UNC13C: variants seen among roughly 807,000 people sequenced by gnomAD.
UNC13C encodes unc-13 homolog C, also known as protein unc-13 homolog C.
A neutral mutation model predicts 245.4 loss-of-function variants in UNC13C; 174 were observed. The ratio of observed to expected loss-of-function variants is 0.71; its 90% CI spans 0.63 to 0.80. The LOEUF is 0.80. UNC13C is among the 30% of genes least tolerant of loss of function. The pLI is 0.00. For synonymous variants in UNC13C, 992 were observed against 895.1 expected, an observed-to-expected ratio of 1.11 and a Z score of -1.93; for missense variants, 2,829 against 2,602.9, an observed-to-expected ratio of 1.09 and a Z score of -1.89.
At chr15:54,309,244 C>A (rs2037806653) in intron 13 of UNC13C, among the ~76,000 whole-genome samples, 1 of 151,702 alleles carries the variant, frequency 6.6e-6, no homozygotes, top group Non-Finnish European at 1.5e-5. Flanking sequence ...ATTTGCATTT[C>A]TCTGATGATT....
At chr15:54,307,157 A>G (rs1398257122) in intron 13 of UNC13C, among the ~76,000 whole-genome samples, 1 of 151,668 alleles carries the variant, frequency 6.6e-6, no homozygotes, top group African/African-American at 2.4e-5. Context: ...GCTATAAAAA[A>G]TACCATCAAT....
the UNC13C span, among the ~76,000 whole-genome samples, chr15:53,957,901 C>T: frequency 0.43 from 65,707 of 152,006 alleles, 14,420 homozygotes; most frequent in East Asian, 0.61. Context: ...GAGGCATCAG[C>T]AAACATCTTT....
At chr15:54,012,178 G>C (rs148909758) in intron 1 of UNC13C, among the ~76,000 whole-genome samples, 1 of 152,064 alleles carries the variant, frequency 6.6e-6, no homozygotes, top group Admixed American at 6.5e-5. Flanking sequence ...AAGATTATTT[G>C]AATGAATCAA....
chr15:54,197,546 AT>A (rs1348161966), intron 4 of UNC13C, among the ~76,000 whole-genome samples: 1 of 152,162 alleles, frequency 6.6e-6, no homozygotes, highest in Non-Finnish European at 1.5e-5. Flanking sequence ...GCATGATTAC[AT>A]TTTAAGCACA....
intron 2 of UNC13C, among the ~76,000 whole-genome samples, chr15:54,122,140 T>C (rs1275057785): frequency 6.6e-6 from 1 of 151,984 alleles, no homozygotes; most frequent in East Asian, 1.9e-4. Context: ...TTTTTTTTCT[T>C]ATTTCATTAG....
intron 17 of UNC13C, among the ~76,000 whole-genome samples, chr15:54,350,415 A>G (rs2038956731): frequency 6.6e-6 from 1 of 152,220 alleles, no homozygotes; most frequent in South Asian, 2.1e-4. Flanking sequence ...AAATTGTAGA[A>G]TGGTAATTAG....
intron 1 of UNC13C, among the ~76,000 whole-genome samples, chr15:53,990,091 G>A (rs1894316966): frequency 6.6e-6 from 1 of 152,004 alleles, no homozygotes; most frequent in South Asian, 2.1e-4. Flanking sequence ...ATAACCAGGA[G>A]TTTCTCTGCT....
the UNC13C span, among the ~76,000 whole-genome samples, chr15:53,893,395 T>C: frequency 6.6e-6 from 1 of 152,142 alleles, no homozygotes; most frequent in African/African-American, 2.4e-5. Flanking sequence ...CTGGGAGGTT[T>C]GCTGCTCTCT....
At chr15:54,379,061 A>G (rs1016992288) in intron 17 of UNC13C, among the ~76,000 whole-genome samples, 1 of 152,102 alleles carries the variant, frequency 6.6e-6, no homozygotes, top group African/African-American at 2.4e-5. Context: ...GTTTCTAACC[A>G]AATTAATGTA....
intron 30 of UNC13C, among the ~76,000 whole-genome samples, chr15:54,602,343 G>A (rs557616270): frequency 3.3e-4 from 50 of 152,202 alleles, no homozygotes; most frequent in African/African-American, 1.2e-3. Flanking sequence ...GCTGACAGTG[G>A]GACAGAGTGA....
rs182741466 is a variant in UNC13C, at chr15:54,340,499, C to T, written c.4713+2010C>T. 4.6e-5 allele frequency among the ~76,000 whole-genome samples: 7 copies of T among 152,238 alleles called. No homozygotes were observed. In the East Asian group the frequency reaches 9.7e-4, roughly 21 times the overall value. On this transcript the variant is annotated intron_variant, in intron 17 of 32. Transcript: ENST00000260323. ...ATGAAGATCCAGTTTCATTTTCCTA[C>T]ATGTGGCTTGCCAATTATCCCAGCA...
At chr15:54,610,929 A>G (rs1255219577) in intron 30 of UNC13C, among the ~76,000 whole-genome samples, 1 of 152,258 alleles carries the variant, frequency 6.6e-6, no homozygotes, top group Non-Finnish European at 1.5e-5. Context: ...AATAGTAGTA[A>G]GTATTAAAAA....
At chr15:54,397,206 G>T (rs1040035822) in intron 18 of UNC13C, among the ~76,000 whole-genome samples, 2 of 151,490 alleles carry the variant, frequency 1.3e-5, no homozygotes, top group Non-Finnish European at 3.0e-5. Context: ...GTTAACTGGT[G>T]TGATAATCAA....
chr15:54,429,049 G>A (rs1002441403), intron 19 of UNC13C, among the ~76,000 whole-genome samples: 1 of 151,596 alleles, frequency 6.6e-6, no homozygotes, highest in Non-Finnish European at 1.5e-5. Context: ...GCTTTTAAAG[G>A]ATTTTGTAGC....
intron 26 of UNC13C, among the ~76,000 whole-genome samples, chr15:54,534,221 G>T (rs185888899): frequency 1.6e-4 from 25 of 152,202 alleles, no homozygotes; most frequent in Admixed American, 1.6e-3. Context: ...AGTGCAGCAG[G>T]TGCTTGTCCT....
At chr15:53,976,978 C>G (rs1207528351), upstream of UNC13C, 3 of 152,158 alleles carry the variant, frequency 2.0e-5, no homozygotes, top group African/African-American at 7.2e-5. Context: ...TAGGTCTAAC[C>G]GGTTTTCCTG....
intron 4 of UNC13C, among the ~76,000 whole-genome samples, chr15:54,189,790 A>G (rs1352238724): frequency 6.6e-6 from 1 of 152,086 alleles, no homozygotes; most frequent in Non-Finnish European, 1.5e-5. Context: ...AAAGGAGAGA[A>G]ATACATGCCA....
intron 17 of UNC13C, among the ~76,000 whole-genome samples, chr15:54,341,994 A>C (rs1473478036): frequency 6.7e-6 from 1 of 148,384 alleles, no homozygotes. Context: ...AAAAAAAAGT[A>C]GTATTTCGCT....
At chr15:54,247,262 C>A (rs772476496) in intron 7 of UNC13C, among the ~76,000 whole-genome samples, 22 of 152,080 alleles carry the variant, frequency 1.4e-4, no homozygotes, top group Non-Finnish European at 2.4e-4. Flanking sequence ...TTTTCCCCTG[C>A]CATGCTTTTA....
Sources: gnomAD v4.1 joint callset for allele counts (sites outside exome capture counted in the v4.1 genomes callset) on GRCh38, gnomAD v4.1.1 for gene constraint, MANE v1.5 for transcripts, NCBI Gene and HGNC (gene_info 2026-07-23, HGNC 2026-07-21) for gene names.